The following STK16 variants were observed in gnomAD, a reference collection of about 807,000 sequenced individuals.
STK16 encodes the protein serine/threonine kinase 16.
In STK16, 28 loss-of-function variants were observed where a neutral mutation model predicts 37.8. The ratio of observed to expected loss-of-function variants is 0.74; its 90% CI spans 0.55 to 1.02. The LOEUF (loss-of-function observed/expected upper bound fraction) is 1.02. Among genes scored for constraint, STK16 ranks in the 50% least tolerant of loss-of-function variants. STK16 has a pLI of 0.00. For synonymous variants in STK16, 134 were observed against 155.0 expected, an observed-to-expected ratio of 0.86 and a Z score of 1.01; for missense variants, 349 against 390.6, an observed-to-expected ratio of 0.89 and a Z score of 0.90.
rs968039787 is a variant in STK16 at position 219,247,680 on chromosome 2, T to C, written c.580T>C (p.Cys194Arg). The change falls in exon 6 of 8, where the codon TGC (cysteine) becomes CGC (arginine). Residue 194 changes from cysteine to arginine, a missense_variant. By Grantham distance (180) the Cys-to-Arg change is radical. Coordinates refer to ENST00000396738, the MANE Select transcript of STK16 (RefSeq NM_001330213.2). ...GTTCCAGGACTGGGCAGCCCAGCGGTGCACCATCTCCTACCGAGCCCCAGA... is the reference window on the plus strand; with the variant it reads ...GTTCCAGGACTGGGCAGCCCAGCGGCGCACCATCTCCTACCGAGCCCCAGA... ...LTLQDWAAQR[C>R]TISYRAPELF... is the part of the protein sequence containing the mutation. 6.2e-7 allele frequency: 1 copy of C among 1,611,178 alleles called. No individual in the cohort carries two copies. Among genetic ancestry groups the C allele is most frequent in the Non-Finnish European group, 8.5e-7 (1 of 1,177,804 alleles).
At chr2:219,247,574 C>T (rs1417613308) in intron 5 of STK16, 39 bp downstream of exon 5, 2 of 1,614,200 alleles carry the variant, frequency 1.2e-6, no homozygotes, top group Non-Finnish European at 1.7e-6. Context: ...ACCTGTTCCC[C>T]ATTCCCACCC....
chr2:219,248,208 C>A lies in STK16; in HGVS notation c.673C>A (p.Leu225Ile). The A allele has an allele frequency of 6.2e-7, 1 of 1,614,190 alleles. No individual in the cohort carries two copies. The highest frequency in any genetic ancestry group is 8.5e-7 in the Non-Finnish European group (1 of 1,180,026). The change falls in exon 7 of 8, where the codon CTA becomes ATA. Residue 225 changes from leucine to isoleucine, a missense_variant. Coordinates refer to ENST00000396738, the MANE Select transcript of STK16 (RefSeq NM_001330213.2). ...TTATGCTCAGTCCCTAGGCTGCGTG[C>A]TATATGCCATGATGTTTGGGGAAGG... ...RTDVWSLGCV[L>I]YAMMFGEGPY...
chr2:219,247,007 G>A, intron 3 of STK16, 106 bp from the exon 4 acceptor site: 1 of 1,556,436 alleles, frequency 6.4e-7, no homozygotes, highest in Non-Finnish European at 8.7e-7. Context: ...TGAGTTTGAG[G>A]TGTGTATCAT....
chr2:219,247,571 C>T (rs750937444), intron 5 of STK16, 36 bp downstream of exon 5: 1 of 1,614,074 alleles, frequency 6.2e-7, no homozygotes, highest in African/African-American at 1.3e-5. Context: ...CTCACCTGTT[C>T]CCCATTCCCA....
At position 219,247,536 on chromosome 2, in the gene STK16, G is replaced by A; in HGVS notation, c.561+1G>A. 1.9e-6 allele frequency: 3 copies of A among 1,614,186 alleles called. No individual in the cohort carries two copies. The highest frequency in any genetic ancestry group is 2.5e-6 in the Non-Finnish European group (3 of 1,180,028). ...CTCCCGCCAGGCTCTGACCCTGCAGGTAAAAGAGTCTCCAGGTTCCTTTTC... is the reference window on the plus strand; with the variant it reads ...CTCCCGCCAGGCTCTGACCCTGCAGATAAAAGAGTCTCCAGGTTCCTTTTC... On this transcript the variant is annotated splice_donor_variant, in intron 5 of 7. Transcript: ENST00000396738. LOFTEE classifies it high-confidence loss of function.
At position 219,249,719 on chromosome 2, in the gene STK16, CCTGA is replaced by C. The variant is rs1951612931; in HGVS notation, c.*1163_*1166del. 6.5e-6 allele frequency: 1 copy of C among 152,754 alleles called. No individual in the cohort carries two copies. Among genetic ancestry groups the C allele is most frequent in the African/African-American group, 2.4e-5 (1 of 41,568 alleles). The allele number at this position is 152,754 out of a possible 1,614,324, so 9.5% of individuals were successfully genotyped here. On this transcript the variant is annotated 3_prime_UTR_variant, in exon 8 of 8. Transcript: ENST00000396738. ...GAAATCACAAACAGAGGGGAGATGA[CCTGA>C]CTTTTAATGGCACAGCCCCAGCTCC...
In STK16 at chr2:219,247,105, T is replaced by A. The variant is rs1361392087; in HGVS notation, c.307-8T>A. 3.7e-6 allele frequency: 6 copies of A among 1,613,998 alleles called. No homozygotes were observed. The South Asian group carries it at 6.6e-5, about 18-fold the overall frequency. ...ACATCTCCAACTGTAGGGAAACTTG[T>A]GTTGCAGAGAGGTACGCTGTGGAAT... On this transcript the variant is annotated splice_polypyrimidine_tract_variant and splice_region_variant and intron_variant, in intron 3 of 7. Transcript: ENST00000396738.
In STK16 at chr2:219,246,733, G is replaced by C; in HGVS notation, c.163G>C (p.Glu55Gln). 1.2e-6 allele frequency: 2 copies of C among 1,614,216 alleles called. No individual in the cohort carries two copies. The highest frequency in any genetic ancestry group is 1.7e-6 in the Non-Finnish European group (2 of 1,180,044). The change falls in exon 3 of 8, where the codon GAG becomes CAG. Residue 55 changes from glutamate (E) to glutamine (Q), a missense_variant. Physicochemically the swap from Glu to Gln is conservative, Grantham distance 29 (BLOSUM62 2). Transcript: ENST00000396738. The surrounding 1 kb of genome is among the most constrained non-coding windows in gnomAD (Gnocchi z 4.5). ...FYALKRILCH[E>Q]QQDREEAQRE... ...CGCCCTGAAGCGAATCCTGTGTCACGAGCAGCAGGACCGGGAGGAGGCCCA... is the reference window on the plus strand; with the variant it reads ...CGCCCTGAAGCGAATCCTGTGTCACCAGCAGCAGGACCGGGAGGAGGCCCA...
At chr2:219,247,926 G>A in intron 6 of STK16, 169 bp downstream of exon 6, 1 of 823,502 alleles carries the variant, frequency 1.2e-6, no homozygotes, top group South Asian at 1.4e-5. Flanking sequence ...GTACCCAGTT[G>A]TACCGGATGT....
Position 219,246,696 on chromosome 2 carries a change from T to C in STK16, c.126T>C (p.Asp42=), listed in dbSNP as rs770564404. Residue 42 remains aspartate (D), a synonymous_variant, in exon 3 of 8, where the codon GAT becomes GAC. Coordinates refer to ENST00000396738, the MANE Select transcript of STK16 (RefSeq NM_001330213.2). The surrounding 1 kb of genome is among the most constrained non-coding windows in gnomAD (Gnocchi z 4.5). ...SYVDLVEGLH[D]GHFYALKRIL... is the part of the protein sequence containing the mutation. ...TGGACCTAGTGGAAGGGTTACATGA[T>C]GGACACTTCTACGCCCTGAAGCGAA... 1 of 1,614,236 alleles carries C rather than the reference T, an allele frequency of 6.2e-7. No individual in the cohort carries two copies. The highest frequency in any genetic ancestry group is 2.2e-5 in the East Asian group (1 of 44,878).
At chr2:219,247,316 T>C (rs1951557887) in intron 4 of STK16, 70 bp downstream of exon 4, 2 of 1,609,048 alleles carry the variant, frequency 1.2e-6, no homozygotes, top group African/African-American at 2.7e-5. Flanking sequence ...ATGGGAGGTC[T>C]CTGTTCTCCC....
Position 219,250,313 on chromosome 2 carries a change from T to C in STK16, c.*1754T>C. 6.4e-7 allele frequency: 1 copy of C among 1,561,294 alleles called. No individual in the cohort carries two copies. Among genetic ancestry groups the C allele is most frequent in the Non-Finnish European group, 8.7e-7 (1 of 1,152,474 alleles). On this transcript the variant is annotated 3_prime_UTR_variant, in exon 8 of 8. Transcript: ENST00000396738. The surrounding 1 kb of genome is among the most constrained non-coding windows in gnomAD (Gnocchi z 8.4). Reference sequence around the variant, plus strand: ...AGGAAACTGTTTATTTCGAAAGGATTTTGCAATAAACATAGTGAATAGGCT... The same window carrying C: ...AGGAAACTGTTTATTTCGAAAGGATCTTGCAATAAACATAGTGAATAGGCT...
Position 219,247,511 on chromosome 2 carries a change from C to G in STK16, c.537C>G (p.Gly179=). ...ATCAAGCATGCATCCATGTGGAGGG[C>G]TCCCGCCAGGCTCTGACCCTGCAGG... ...SMNQACIHVE[G]SRQALTLQDW... is the part of the protein sequence containing the mutation. The change falls in exon 5 of 8, where the codon GGC becomes GGG. Residue 179 remains glycine (G), a synonymous_variant. Transcript: ENST00000396738. The G allele has an allele frequency of 6.2e-7, 1 of 1,614,230 alleles. No individual in the cohort carries two copies. Among genetic ancestry groups the G allele is most frequent in the Non-Finnish European group, 8.5e-7 (1 of 1,180,034 alleles).
In STK16 at chr2:219,247,645, T is replaced by A; in HGVS notation, c.562-17T>A. 6.2e-7 allele frequency: 1 copy of A among 1,612,642 alleles called. No individual in the cohort carries two copies. Among genetic ancestry groups the A allele is most frequent in the Non-Finnish European group, 8.5e-7 (1 of 1,178,850 alleles). ...TGACCTGTGCCCCACTTTTGAGCTC[T>A]GGGATCACTGTTCCAGGACTGGGCA... On this transcript the variant is annotated splice_polypyrimidine_tract_variant and intron_variant, in intron 5 of 7. Coordinates refer to ENST00000396738, the MANE Select transcript of STK16 (RefSeq NM_001330213.2).
In STK16 at chr2:219,248,861, CAGG is replaced by C; in HGVS notation, c.*305_*307del. 1 of 291,436 alleles carries C rather than the reference CAGG, an allele frequency of 3.4e-6. No homozygotes were observed. Among genetic ancestry groups the C allele is most frequent in the Non-Finnish European group, 6.5e-6 (1 of 153,492 alleles). The allele number at this position is 291,436 out of a possible 1,614,324, so 18.1% of individuals were successfully genotyped here. ...AGTGTTCTGACTCCAAATCTGGGAG[CAGG>C]AGAATGTGTAAACAAGAATAAAGTG... On this transcript the variant is annotated 3_prime_UTR_variant, in exon 8 of 8. Coordinates refer to ENST00000396738, the MANE Select transcript of STK16 (RefSeq NM_001330213.2).
Position 219,248,321 on chromosome 2 carries a change from G to C in STK16, c.779+7G>C. 1 of 1,614,150 alleles carries C rather than the reference G, an allele frequency of 6.2e-7. No individual in the cohort carries two copies. Among genetic ancestry groups the C allele is most frequent in the Non-Finnish European group, 8.5e-7 (1 of 1,180,006 alleles). On this transcript the variant is annotated splice_region_variant and intron_variant, in intron 7 of 7. Coordinates refer to ENST00000396738, the MANE Select transcript of STK16 (RefSeq NM_001330213.2). ...GCATCCCACAAAGCCCCAGGTGAGT[G>C]AGCAACGAATAGGGCATCAAGTGTT... is the stretch of plus-strand genomic sequence containing the variant.
chr2:219,248,409 C>T lies in STK16; in HGVS notation c.780-12C>T, dbSNP rs899932581. 1.2e-6 allele frequency: 2 copies of T among 1,613,318 alleles called. No homozygotes were observed. The highest frequency in any genetic ancestry group is 1.7e-5 in the Admixed American group (1 of 59,974). On this transcript the variant is annotated splice_polypyrimidine_tract_variant and intron_variant, in intron 7 of 7. Coordinates refer to ENST00000396738, the MANE Select transcript of STK16 (RefSeq NM_001330213.2). ...GGTGTCATCCGGTCACCCTGGGCTC[C>T]TCCCTCCACAGGCATTCTTCAGCAT... is the stretch of plus-strand genomic sequence containing the variant.
intron 7 of STK16, 40 bp downstream of exon 7, chr2:219,248,354 C>T (rs774676736): frequency 1.2e-6 from 2 of 1,613,312 alleles, no homozygotes; most frequent in East Asian, 2.2e-5. Context: ...GTTTCAGACT[C>T]CCCCCTGGTA....
At position 219,246,970 on chromosome 2, in the gene STK16, T is replaced by G; in HGVS notation, c.306+94T>G. ...CCAGCATGTTAGGAAGCAGGGACCA[T>G]GTCCTGGGTTTGGCCACTTTAGATT... On this transcript the variant is annotated intron_variant, in intron 3 of 7. Transcript: ENST00000396738. The surrounding 1 kb of genome is among the most constrained non-coding windows in gnomAD (Gnocchi z 4.5). 2.0e-6 allele frequency: 3 copies of G among 1,522,804 alleles called. No homozygotes were observed. Among genetic ancestry groups the G allele is most frequent in the Non-Finnish European group, 2.7e-6 (3 of 1,124,110 alleles). 94.3% of individuals were successfully genotyped at this position (1,522,804 alleles called of 1,614,324 possible).
Sources: allele counts gnomAD v4.1 joint callset, GRCh38; gene constraint gnomAD v4.1.1; non-coding constraint Gnocchi (gnomAD v3.1); transcripts MANE v1.5; gene names NCBI Gene and HGNC (gene_info 2026-07-23, HGNC 2026-07-21).